Variants in SHPK observed in about 807,000 individuals in gnomAD.
The protein encoded by SHPK is sedoheptulokinase.
Under a neutral mutation model 46.3 loss-of-function variants are expected in SHPK, and 51 were observed. The ratio of observed to expected loss-of-function variants is 1.10; its 90% confidence interval spans 0.88 to 1.39. The LOEUF is 1.39. Ranked by LOEUF, SHPK falls within the 40% of genes most tolerant of loss-of-function variation. The probability of loss-of-function intolerance (pLI) is 0.00; values close to 1 mark genes in which losing one functional copy is unlikely to be tolerated. For synonymous variants in SHPK, 290 were observed against 273.9 expected (o/e 1.06, Z -0.58); for missense variants, 668 against 641.3 (o/e 1.04, Z -0.45).
intron 6 of SHPK, among the ~76,000 whole-genome samples, chr17:3,614,860 A>AGAAG (rs1394596159): frequency 2.0e-5 from 3 of 147,206 alleles, no homozygotes; most frequent in South Asian, 2.1e-4. Flanking sequence ...AAAAAAAAAA[A>AGAAG]AAGAAGAAGA....
At position 3,610,803 on chromosome 17, in the gene SHPK, C is replaced by T. The variant is rs1461130992; in HGVS notation, c.1194G>A (p.Val398=). Residue 398 remains valine, a synonymous_variant, in exon 7 of 7, where the codon GTG becomes GTA. Coordinates refer to ENST00000225519, the MANE Select transcript of SHPK (RefSeq NM_013276.4). ...ISSSDLSLGH[V]TRALCRGIVQ... The stretch of plus-strand genomic sequence containing the variant: ...CAATGCCTCGGCACAGAGCCCGGGT[C>T]ACGTGCCCCAGGGAGAGGTCGGAGG... 1.9e-6 allele frequency: 3 copies of T among 1,614,084 alleles called. No individual in the cohort carries two copies.
rs1479478726 is a variant in SHPK, at chr17:3,615,449, G to A, written c.912C>T (p.Val304=). ...PAQTPDPTAP[V]AYFPYFNRTY... ...TCCTGTTGAAGTATGGGAAGTAGGCGACTGGGGCCGTAGGGTCTGGAGTCT... is the reference window on the plus strand; with the variant it reads ...TCCTGTTGAAGTATGGGAAGTAGGCAACTGGGGCCGTAGGGTCTGGAGTCT... Residue 304 remains valine, a synonymous_variant, in exon 6 of 7, where the codon GTC becomes GTT. Coordinates refer to ENST00000225519, the MANE Select transcript of SHPK (RefSeq NM_013276.4). The A allele has an allele frequency of 4.3e-6, 7 of 1,614,052 alleles. No homozygotes were observed. Among genetic ancestry groups the A allele is most frequent in the African/African-American group, 1.3e-5 (1 of 74,908 alleles).
chr17:3,614,195 T>C (rs1431360133), intron 6 of SHPK, among the ~76,000 whole-genome samples: 1 of 152,170 alleles, frequency 6.6e-6, no homozygotes, highest in African/African-American at 2.4e-5. Context: ...AAAGTCACTC[T>C]CCTGGGTTCC....
In SHPK at chr17:3,623,962, G is replaced by A. The variant is rs2075417746; in HGVS notation, c.494+86C>T. On this transcript the variant is annotated intron_variant, in intron 3 of 6. Transcript: ENST00000225519. ...GACACACTCACTGCGGCACAGCCCA[G>A]CAGGCGGGGTGATGCTGACGCAGCC... is the stretch of plus-strand genomic sequence containing the variant. The A allele has an allele frequency of 2.3e-6, 3 of 1,317,804 alleles. No homozygotes were observed. In the East Asian group the frequency reaches 7.0e-5, roughly 31 times the overall value. 81.6% of individuals were successfully genotyped at this position (1,317,804 alleles called of 1,614,324 possible).
At chr17:3,618,608 T>C (rs2472029) in intron 5 of SHPK, among the ~76,000 whole-genome samples, 104,157 of 151,434 alleles carry the variant, frequency 0.69, 36,858 homozygotes, top group East Asian at 0.99. Flanking sequence ...GGTGAAACCC[T>C]GTCTCTACTA....
intron 6 of SHPK, among the ~76,000 whole-genome samples, chr17:3,611,638 G>T (rs1256728159): frequency 6.6e-6 from 1 of 152,052 alleles, no homozygotes; most frequent in Non-Finnish European, 1.5e-5. Flanking sequence ...AGAAATCCCA[G>T]GATCCAGGAC....
At chr17:3,630,144 C>T in intron 2 of SHPK, 61 bp downstream of exon 2, 4 of 1,603,308 alleles carry the variant, frequency 2.5e-6, no homozygotes, top group Non-Finnish European at 3.4e-6. Flanking sequence ...CCCCGCACAG[C>T]ACTGCTCTAG....
intron 2 of SHPK, among the ~76,000 whole-genome samples, chr17:3,628,588 T>A (rs2075452647): frequency 6.6e-6 from 1 of 152,196 alleles, no homozygotes; most frequent in Non-Finnish European, 1.5e-5. Flanking sequence ...CCCAAAGTGC[T>A]GGGATTACAG....
At chr17:3,622,711 T>TTTC (rs1555554485) in intron 4 of SHPK, 1 of 449,670 alleles carries the variant, frequency 2.2e-6, no homozygotes, top group African/African-American at 2.2e-5. Context: ...TTTTTCTTTT[T>TTTC]TTTTTTTTTT....
intron 2 of SHPK, among the ~76,000 whole-genome samples, chr17:3,627,750 A>G (rs186379767): frequency 1.5e-3 from 227 of 150,826 alleles, no homozygotes; most frequent in Admixed American, 6.1e-3. Flanking sequence ...GGCAGAAAGG[A>G]AGGCATGTGA....
Position 3,624,173 on chromosome 17 carries a change from G to C in SHPK, c.369C>G (p.His123Gln). Reference sequence around the variant, plus strand: ...ATCGGCCATCCTGCCACGTGACCAGGTGGCTAACAGCTCGGGGCTCGAACA... The same window carrying C: ...ATCGGCCATCCTGCCACGTGACCAGCTGGCTAACAGCTCGGGGCTCGAACA... ...TPVFEPRAVS[H>Q]LVTWQDGRCS... Residue 123 changes from histidine (H) to glutamine (Q), a missense_variant, in exon 3 of 7, where the codon CAC becomes CAG. By Grantham distance (24) the His-to-Gln change is conservative. Coordinates refer to ENST00000225519, the MANE Select transcript of SHPK (RefSeq NM_013276.4). 6 of 1,614,182 alleles carry C rather than the reference G, an allele frequency of 3.7e-6. No homozygotes were observed. Among genetic ancestry groups the C allele is most frequent in the Non-Finnish European group, 5.1e-6 (6 of 1,180,008 alleles).
intron 4 of SHPK, among the ~76,000 whole-genome samples, chr17:3,622,897 GT>G (rs1367629652): frequency 6.6e-6 from 1 of 151,922 alleles, no homozygotes; most frequent in Non-Finnish European, 1.5e-5. Context: ...TAGAGATGGG[GT>G]TTCGCCATGT....
At position 3,636,187 on chromosome 17, in the gene SHPK, G is replaced by C; in HGVS notation, c.33C>G (p.Asp11Glu). 9 of 1,610,112 alleles carry C rather than the reference G, an allele frequency of 5.6e-6. No individual in the cohort carries two copies. Among genetic ancestry groups the C allele is most frequent in the Non-Finnish European group, 6.8e-6 (8 of 1,177,630 alleles). The change falls in exon 1 of 7, where the codon GAC (aspartate) becomes GAG (glutamate). Residue 11 changes from aspartate to glutamate, a missense_variant. Transcript: ENST00000225519. ...CTGCCTTCACAGATGTGGTGCCCAG[G>C]TCAATGCCGAGGGTGATCGGCCGCG... Reference protein sequence around the residue: MAARPITLGIDLGTTSVKAAL... With the variant: MAARPITLGIELGTTSVKAAL...
At chr17:3,628,391 C>T (rs914638864) in intron 2 of SHPK, among the ~76,000 whole-genome samples, 53 of 151,236 alleles carry the variant, frequency 3.5e-4, no homozygotes, top group Middle Eastern at 3.4e-3. Context: ...GGCGCGATCT[C>T]GGCTCACTGC....
rs369401129 is a variant in SHPK, at chr17:3,630,254, G to T, written c.261C>A (p.Ile87=). The change falls in exon 2 of 7, where the codon ATC becomes ATA. Residue 87 remains isoleucine (I), a synonymous_variant. Coordinates refer to ENST00000225519, the MANE Select transcript of SHPK (RefSeq NM_013276.4). ...CTCCATGCATCTGGCCCGACACCCC[G>T]ATGCCCACGACGCTCCGGAGCTGGG... ...PRPQLRSVVG[I]GVSGQMHGVV... 38 of 1,613,510 alleles carry T rather than the reference G, an allele frequency of 2.4e-5. No individual in the cohort carries two copies. The highest frequency in any genetic ancestry group is 3.1e-5 in the Non-Finnish European group (36 of 1,180,002).
chr17:3,623,439 C>A lies in SHPK; in HGVS notation c.547G>T (p.Val183Phe). The A allele has an allele frequency of 5.6e-6, 9 of 1,614,162 alleles. No individual in the cohort carries two copies. The South Asian group carries it at 9.9e-5, about 18-fold the overall frequency. Residue 183 changes from valine to phenylalanine, a missense_variant, in exon 4 of 7, where the codon GTT becomes TTT. Val to Phe is a conservative substitution (Grantham distance 50, BLOSUM62 -1). Transcript: ENST00000225519. Reference sequence around the variant, plus strand: ...CTTGGCAAGCCACACAGCATGGCAACCACATAGTCGTGGATGGTACCGGCT... The same window carrying A: ...CTTGGCAAGCCACACAGCATGGCAAACACATAGTCGTGGATGGTACCGGCT... Reference protein sequence around the residue: ...DAAGTIHDYVVAMLCGLPRPL... With the variant: ...DAAGTIHDYVFAMLCGLPRPL...
At chr17:3,614,017 G>A (rs1056289098) in intron 6 of SHPK, among the ~76,000 whole-genome samples, 1 of 152,194 alleles carries the variant, frequency 6.6e-6, no homozygotes, top group African/African-American at 2.4e-5. Flanking sequence ...TGCGTCCTCA[G>A]CTCCCCCAGT....
At chr17:3,634,080 A>C (rs1459832508) in intron 1 of SHPK, among the ~76,000 whole-genome samples, 2 of 149,632 alleles carry the variant, frequency 1.3e-5, no homozygotes, top group Non-Finnish European at 3.0e-5. Context: ...CATGCCCGTT[A>C]AGAGTCATCA....
chr17:3,635,029 G>A (rs1246636814), intron 1 of SHPK, among the ~76,000 whole-genome samples: 3 of 151,544 alleles, frequency 2.0e-5, no homozygotes, highest in East Asian at 2.0e-4. Flanking sequence ...AAAAGTAGCC[G>A]GGCGCGGTGG....
Sources: gnomAD v4.1 joint callset for allele counts (sites outside exome capture counted in the v4.1 genomes callset) on GRCh38, gnomAD v4.1.1 for gene constraint, MANE v1.5 for transcripts, NCBI Gene and HGNC (gene_info 2026-07-23, HGNC 2026-07-21) for gene names.